The following SMARCAD1 variants were observed in gnomAD, a reference collection of about 807,000 sequenced individuals.
The protein encoded by SMARCAD1 is SWI/SNF-related matrix-associated actin-dependent regulator of chromatin subfamily A containing DEAD/H box 1.
SMARCAD1 carries 25 observed loss-of-function variants against 127.1 expected under a neutral mutation model. That is an observed-to-expected ratio of 0.20 (90% CI 0.14 to 0.27). The LOEUF is 0.27. Ranked by LOEUF, SMARCAD1 falls within the 10% of genes least tolerant of loss-of-function variation. The probability of loss-of-function intolerance (pLI) is 1.00; values close to 1 mark genes in which losing one functional copy is unlikely to be tolerated. For missense variants in SMARCAD1, 807 were observed against 1,206.0 expected, an observed-to-expected ratio of 0.67 and a Z score of 4.90; for synonymous variants, 400 against 396.9, an observed-to-expected ratio of 1.01 and a Z score of -0.09.
At chr4:94,256,404 T>C (rs969150860) in intron 9 of SMARCAD1, among the ~76,000 whole-genome samples, 7 of 152,126 alleles carry the variant, frequency 4.6e-5, no homozygotes, top group Admixed American at 1.3e-4. Flanking sequence ...CTCTTGTCAC[T>C]TAGGCTGGAG....
chr4:94,251,196 T>C (rs1394859912), intron 8 of SMARCAD1, among the ~76,000 whole-genome samples: 1 of 152,194 alleles, frequency 6.6e-6, no homozygotes, highest in Non-Finnish European at 1.5e-5. Flanking sequence ...AATGTAGATG[T>C]CTTAGCCTAT....
At chr4:94,214,724 AAGG>A (rs1742886734) in intron 2 of SMARCAD1, among the ~76,000 whole-genome samples, 1 of 152,188 alleles carries the variant, frequency 6.6e-6, no homozygotes, top group South Asian at 2.1e-4. Context: ...GGGATAATTG[AAGG>A]AGATAAAAAT....
intron 6 of SMARCAD1, among the ~76,000 whole-genome samples, chr4:94,249,207 C>T (rs1416057939): frequency 6.6e-6 from 1 of 152,036 alleles, no homozygotes; most frequent in African/African-American, 2.4e-5. Context: ...TTAAGCCATT[C>T]TGTGAATCAA....
At chr4:94,265,967 C>T (rs1751683565) in intron 10 of SMARCAD1, among the ~76,000 whole-genome samples, 1 of 151,774 alleles carries the variant, frequency 6.6e-6, no homozygotes, top group Non-Finnish European at 1.5e-5. Context: ...ATTTGCTGAT[C>T]ATTGGTTAAT....
intron 2 of SMARCAD1, 43 bp from the exon 3 acceptor site, chr4:94,226,076 T>C: frequency 6.7e-7 from 1 of 1,490,450 alleles, no homozygotes; most frequent in Non-Finnish European, 9.3e-7. Flanking sequence ...AGATTCGTTT[T>C]CCAGTTGCTC....
intron 8 of SMARCAD1, 134 bp from the exon 9 acceptor site, chr4:94,252,482 A>G (rs1749425656): frequency 5.2e-6 from 3 of 579,758 alleles, no homozygotes; most frequent in South Asian, 7.5e-5. Context: ...AAGTGTATCA[A>G]ATTTAACAAT....
At chr4:94,235,930 A>G (rs1033617978) in intron 4 of SMARCAD1, among the ~76,000 whole-genome samples, 19 of 152,132 alleles carry the variant, frequency 1.2e-4, no homozygotes, top group Non-Finnish European at 1.5e-5. Context: ...GAAATTGTGT[A>G]ATTTAGTATA....
At chr4:94,244,771 C>A (rs1022985890) in intron 6 of SMARCAD1, among the ~76,000 whole-genome samples, 4 of 147,182 alleles carry the variant, frequency 2.7e-5, no homozygotes, top group African/African-American at 1.0e-4. Flanking sequence ...AAAAAAAAAA[C>A]TTAACTTTAA....
chr4:94,278,798 G>GTTA, intron 18 of SMARCAD1, 65 bp downstream of exon 18: 1 of 1,598,494 alleles, frequency 6.3e-7, no homozygotes, highest in Non-Finnish European at 8.6e-7. Flanking sequence ...ATTTTGTTTA[G>GTTA]TCATATAATG....
chr4:94,253,036 T>A, intron 9 of SMARCAD1, 29 bp downstream of exon 9: 1 of 1,605,928 alleles, frequency 6.2e-7, no homozygotes, highest in Non-Finnish European at 8.5e-7. Flanking sequence ...TTTCCCCTTG[T>A]ATGTGTGTGT....
intron 2 of SMARCAD1, among the ~76,000 whole-genome samples, chr4:94,211,342 A>G (rs773757797): frequency 6.6e-6 from 1 of 152,202 alleles, no homozygotes; most frequent in Non-Finnish European, 1.5e-5. Context: ...CCTGGGGTCT[A>G]GGGATTGCTG....
At chr4:94,213,487 T>C (rs1742624852) in intron 2 of SMARCAD1, among the ~76,000 whole-genome samples, 1 of 152,030 alleles carries the variant, frequency 6.6e-6, no homozygotes, top group Non-Finnish European at 1.5e-5. Flanking sequence ...AACCATTGGG[T>C]TGTGAGGGGC....
At chr4:94,240,120 T>C (rs1047061714) in intron 5 of SMARCAD1, among the ~76,000 whole-genome samples, 4 of 152,190 alleles carry the variant, frequency 2.6e-5, no homozygotes, top group African/African-American at 9.7e-5. Context: ...GGCTCTGATA[T>C]AATTAATGCT....
At chr4:94,208,168 A>T in intron 1 of SMARCAD1, 98 bp downstream of exon 1, 1 of 682,642 alleles carries the variant, frequency 1.5e-6, no homozygotes, top group Non-Finnish European at 2.7e-6. Flanking sequence ...GGAAAATTTT[A>T]AAAGATACCC....
intron 9 of SMARCAD1, among the ~76,000 whole-genome samples, chr4:94,254,549 A>G (rs960795982): frequency 6.6e-6 from 1 of 152,114 alleles, no homozygotes; most frequent in African/African-American, 2.4e-5. Context: ...TATTTCCCCT[A>G]CTAATTAATC....
intron 9 of SMARCAD1, among the ~76,000 whole-genome samples, chr4:94,258,053 AGTT>A (rs1750386468): frequency 1.3e-5 from 2 of 148,946 alleles, no homozygotes; most frequent in East Asian, 2.0e-4. Context: ...TTTTTTTCCT[AGTT>A]GTTATTTGTC....
At chr4:94,220,356 T>G (rs930907639) in intron 2 of SMARCAD1, among the ~76,000 whole-genome samples, 9 of 152,278 alleles carry the variant, frequency 5.9e-5, no homozygotes, top group Admixed American at 3.3e-4. Context: ...GAAGCAATTC[T>G]CCCACCTCAG....
At position 94,279,012 on chromosome 4, in the gene SMARCAD1, G is replaced by A; in HGVS notation, c.2380G>A (p.Ala794Thr). The change falls in exon 19 of 24, where the codon GCT (alanine) becomes ACT (threonine). Residue 794 changes from alanine to threonine, a missense_variant. Around this residue, in one of 8 missense-constraint regions of SMARCAD1, gnomAD observed 99 missense variants for 126.0 expected, o/e 0.79. Coordinates refer to ENST00000354268, the MANE Select transcript of SMARCAD1 (RefSeq NM_020159.5). ...HPLLHRQYYT[A>T]EKLKEMSQLM... ...TTTATTACATCGCCAATATTACACA[G>A]CTGAAAAACTCAAGGAAATGTCTCA... 1 of 1,614,014 alleles carries A rather than the reference G, an allele frequency of 6.2e-7. No homozygotes were observed. The highest frequency in any genetic ancestry group is 8.5e-7 in the Non-Finnish European group (1 of 1,180,002).
chr4:94,272,231 G>T (rs2125980653), intron 11 of SMARCAD1, among the ~76,000 whole-genome samples: 1 of 152,286 alleles, frequency 6.6e-6, no homozygotes, highest in East Asian at 1.9e-4. Context: ...CTCCTGAAAA[G>T]CCTTGTCTCT....
Sources: allele counts gnomAD v4.1 joint callset (sites outside exome capture counted in the v4.1 genomes callset), GRCh38; gene constraint gnomAD v4.1.1; regional missense constraint gnomAD v4.1.1; transcripts MANE v1.5; gene names NCBI Gene and HGNC (gene_info 2026-07-23, HGNC 2026-07-21).